TNC: variants seen among roughly 807,000 people sequenced by gnomAD.
The protein encoded by TNC is tenascin C, also known as tenascin.
A neutral mutation model predicts 202.4 loss-of-function variants in TNC; 109 were observed. The ratio of observed to expected loss-of-function variants is 0.54; its 90% CI spans 0.46 to 0.63. The LOEUF (loss-of-function observed/expected upper bound fraction) is 0.63. Among genes scored for constraint, TNC ranks in the 30% least tolerant of loss-of-function variants. TNC has a pLI of 0.00. For synonymous variants in TNC, 1,007 were observed against 1,089.7 expected, an observed-to-expected ratio of 0.92 and a Z score of 1.50; for missense variants, 2,756 against 2,833.3, an observed-to-expected ratio of 0.97 and a Z score of 0.62.
At chr9:115,083,991 T>G (rs905077470) in intron 4 of TNC, among the ~76,000 whole-genome samples, 3 of 152,226 alleles carry the variant, frequency 2.0e-5, no homozygotes, top group Non-Finnish European at 4.4e-5. Context: ...CTTGTAATGA[T>G]TTTCTCTGGC....
chr9:115,027,033 C>T (rs1378629016), intron 25 of TNC, among the ~76,000 whole-genome samples: 1 of 151,130 alleles, frequency 6.6e-6, no homozygotes, highest in Non-Finnish European at 1.5e-5. Context: ...CGCTTGAACC[C>T]GAGAGGCAGA....
In TNC at chr9:115,042,335, C is replaced by A. The variant is rs1283344451; in HGVS notation, c.5132G>T (p.Gly1711Val). Residue 1711 changes from glycine to valine, a missense_variant, in exon 18 of 28, where the codon GGC (glycine) becomes GTC (valine). Gly to Val is a moderately radical substitution (Grantham distance 109, BLOSUM62 -3). Coordinates refer to ENST00000350763, the MANE Select transcript of TNC (RefSeq NM_002160.4). ...TGAGAAAATGACTTCCTTTGGGGAG[C>A]CCATGGCTGTCAAGAAGAAAGCACA... The part of the protein sequence containing the change: ...TVSAIATTAM[G>V]SPKEVIFSDI... The A allele has an allele frequency of 6.2e-7, 1 of 1,613,936 alleles. No homozygotes were observed. Among genetic ancestry groups the A allele is most frequent in the Non-Finnish European group, 8.5e-7 (1 of 1,179,904 alleles).
In TNC at chr9:115,074,912, C is replaced by T. The variant is rs188465169; in HGVS notation, c.2951-1046G>A. Among the ~76,000 whole-genome samples, 24 of 152,284 alleles carry T rather than the reference C, an allele frequency of 1.6e-4. No homozygotes were observed. In the East Asian group the frequency reaches 3.9e-3, roughly 24 times the overall value. On this transcript the variant is annotated intron_variant, in intron 9 of 27. Transcript: ENST00000350763. ...TATATTAGTCTACATTTATGCAAGA[C>T]GCTACCCTTGGGGGAACCTGGGTGA...
intron 1 of TNC, among the ~76,000 whole-genome samples, chr9:115,105,524 T>A (rs545513044): frequency 6.6e-6 from 1 of 152,280 alleles, no homozygotes; most frequent in South Asian, 2.1e-4. Context: ...GTGAACTGAT[T>A]CACTTGTTTT....
Position 115,085,926 on chromosome 9 carries a change from C to T in TNC, c.1805G>A (p.Gly602Glu). ...HSCPSDCNNLGQCVSGRCICN... is the reference protein window; with the variant it reads ...HSCPSDCNNLEQCVSGRCICN... ...GATGCAGCGGCCCGAGACGCATTGT[C>T]CTAAGTTGTTGCAGTCACTGGGGCA... is the stretch of plus-strand genomic sequence containing the variant. Residue 602 changes from glycine to glutamate, a missense_variant, in exon 3 of 28, where the codon GGA (glycine) becomes GAA (glutamate). Gly to Glu is a moderately conservative substitution (Grantham distance 98). Around this residue, in one of 2 missense-constraint regions of TNC, gnomAD observed 2,559 missense variants for 2,546.0 expected, o/e 1.01. Transcript: ENST00000350763. 1 of 1,613,994 alleles carries T rather than the reference C, an allele frequency of 6.2e-7. No individual in the cohort carries two copies. The highest frequency in any genetic ancestry group is 8.5e-7 in the Non-Finnish European group (1 of 1,179,924).
chr9:115,026,717 T>A, intron 25 of TNC, 22 bp from the exon 26 acceptor site: 1 of 1,612,302 alleles, frequency 6.2e-7, no homozygotes. Context: ...AGGCAAGGGT[T>A]GCTAAGAAGC....
chr9:115,035,597 A>G, intron 21 of TNC: 2 of 365,540 alleles, frequency 5.5e-6, no homozygotes, highest in East Asian at 5.0e-5. Context: ...AGCTGTGAAC[A>G]TCATTATCAA....
chr9:115,078,258 G>A, intron 6 of TNC, 46 bp from the exon 7 acceptor site: 1 of 1,556,096 alleles, frequency 6.4e-7, no homozygotes, highest in East Asian at 2.3e-5. Flanking sequence ...TAGGGCCATT[G>A]CCTGAGGCTT....
intron 1 of TNC, among the ~76,000 whole-genome samples, chr9:115,109,766 A>G (rs968931720): frequency 1.6e-4 from 24 of 152,298 alleles, no homozygotes; most frequent in Non-Finnish European, 2.5e-4. Context: ...TTCCTGTCCT[A>G]GGGCTGGGAT....
Position 115,086,339 on chromosome 9 carries a change from G to C in TNC, c.1392C>G (p.Asp464Glu). 3 of 1,614,234 alleles carry C rather than the reference G, an allele frequency of 1.9e-6. No homozygotes were observed. Among genetic ancestry groups the C allele is most frequent in the Non-Finnish European group, 2.5e-6 (3 of 1,180,042 alleles). Reference sequence around the variant, plus strand: ...CATTAGGGCAGCTCATGTCACTGCAGTCATAGCCCTTGAAGCCTTGCTCAC... The same window carrying C: ...CATTAGGGCAGCTCATGTCACTGCACTCATAGCCCTTGAAGCCTTGCTCAC... ...CVCEQGFKGY[D>E]CSDMSCPNDC... Residue 464 changes from aspartate (D) to glutamate (E), a missense_variant, in exon 3 of 28, where the codon GAC becomes GAG. This residue lies in a region of TNC where 2,559 missense variants were observed against 2,546.0 expected (regional missense o/e 1.01). Transcript: ENST00000350763.
rs982756021 is a variant in TNC at position 115,065,973 on chromosome 9, A to G, written c.3215-1054T>C. On this transcript the variant is annotated intron_variant, in intron 10 of 27. Coordinates refer to ENST00000350763, the MANE Select transcript of TNC (RefSeq NM_002160.4). Reference sequence around the variant, plus strand: ...CAATATCCTATGGGAGGTCTGTTGTATAGTTTATATTGGGATTTCATCAGT... The same window carrying G: ...CAATATCCTATGGGAGGTCTGTTGTGTAGTTTATATTGGGATTTCATCAGT... Among the ~76,000 whole-genome samples, 24 of 149,890 alleles carry G rather than the reference A, an allele frequency of 1.6e-4. 1 individual carries two copies. The highest frequency in any genetic ancestry group is 4.4e-5 in the Non-Finnish European group (3 of 67,582).
At chr9:115,096,744 A>C (rs942127006) in intron 1 of TNC, among the ~76,000 whole-genome samples, 2 of 152,220 alleles carry the variant, frequency 1.3e-5, no homozygotes, top group African/African-American at 4.8e-5. Flanking sequence ...ACAAGTGAGA[A>C]GCAATCCTCA....
chr9:115,075,543 TTGGGAGGCCGAGG>T (rs1833780772), intron 9 of TNC, among the ~76,000 whole-genome samples: 1 of 152,126 alleles, frequency 6.6e-6, no homozygotes, highest in African/African-American at 2.4e-5. Context: ...TCCCAGCACT[TTGGGAGGCCGAGG>T]TGGGCGGATC....
In TNC at chr9:115,073,810, G is replaced by A. The variant is rs1172560945; in HGVS notation, c.3007C>T (p.Leu1003=). 6.2e-7 allele frequency: 1 copy of A among 1,613,846 alleles called. No individual in the cohort carries two copies. The highest frequency in any genetic ancestry group is 1.1e-5 in the South Asian group (1 of 91,084). The part of the protein sequence containing the change: ...VSETAETSLT[L]LWKTPLAKFD... ...TTGGCCAACGGTGTCTTCCAGAGCAGGGTCAGGCTGGTCTCTGCAGTTTCA... is the reference window on the plus strand; with the variant it reads ...TTGGCCAACGGTGTCTTCCAGAGCAAGGTCAGGCTGGTCTCTGCAGTTTCA... Residue 1003 remains leucine, a synonymous_variant, in exon 10 of 28, where the codon CTG becomes TTG. Transcript: ENST00000350763.
At position 115,042,290 on chromosome 9, in the gene TNC, G is replaced by A. The variant is rs1351436507; in HGVS notation, c.5177C>T (p.Ala1726Val). The change falls in exon 18 of 28, where the codon GCT becomes GTT. Residue 1726 changes from alanine to valine, a missense_variant. This residue lies in a region of TNC where 2,559 missense variants were observed against 2,546.0 expected (regional missense o/e 1.01). Transcript: ENST00000350763. Reference sequence around the variant, plus strand: ...TGTGGGTGCCCTCCAGCTGACAGTAGCCGAATTTTCAGTGATGTCTGAGAA... The same window carrying A: ...TGTGGGTGCCCTCCAGCTGACAGTAACCGAATTTTCAGTGATGTCTGAGAA... ...VIFSDITENS[A>V]TVSWRAPTAQ... 1.9e-6 allele frequency: 3 copies of A among 1,614,132 alleles called. No homozygotes were observed. The Admixed American group carries it at 5.0e-5, about 27-fold the overall frequency.
intron 19 of TNC, 69 bp downstream of exon 19, chr9:115,040,872 G>T (rs1588034295): frequency 2.0e-6 from 3 of 1,521,726 alleles, no homozygotes; most frequent in East Asian, 2.3e-5. Flanking sequence ...GTGAGAAATG[G>T]CATAGGATGC....
At chr9:115,037,350 G>T (rs1440199183) in intron 20 of TNC, among the ~76,000 whole-genome samples, 1 of 152,116 alleles carries the variant, frequency 6.6e-6, no homozygotes, top group Non-Finnish European at 1.5e-5. Context: ...ATTACAAAAT[G>T]GAGGGGTTCA....
chr9:115,021,507 C>T (rs896275337), intron 27 of TNC, among the ~76,000 whole-genome samples: 1 of 152,108 alleles, frequency 6.6e-6, no homozygotes, highest in East Asian at 1.9e-4. Context: ...AGTCAAGAGT[C>T]GCCTGAGTTT....
Position 115,111,938 on chromosome 9 carries a change from A to C in TNC, c.-137+6044T>G, listed in dbSNP as rs545590340. ...GACATCAACCCTGTCCAACACAGAC[A>C]ATAACCTCATGAGAGACCATGAGGC... On this transcript the variant is annotated intron_variant, in intron 1 of 27. Coordinates refer to ENST00000350763, the MANE Select transcript of TNC (RefSeq NM_002160.4). Among the ~76,000 whole-genome samples, 3 of 152,298 alleles carry C rather than the reference A, an allele frequency of 2.0e-5. No homozygotes were observed. In the East Asian group the frequency reaches 5.8e-4, roughly 29 times the overall value.
Sources: allele counts gnomAD v4.1 joint callset (sites outside exome capture counted in the v4.1 genomes callset), GRCh38; gene constraint gnomAD v4.1.1; regional missense constraint gnomAD v4.1.1; transcripts MANE v1.5; gene names NCBI Gene and HGNC (gene_info 2026-07-23, HGNC 2026-07-21).